Variants in HDAC9 observed in about 807,000 individuals in gnomAD.
HDAC9 encodes histone deacetylase 9, also known as MEF-2 interacting transcription repressor (MITR) protein.
In HDAC9, 41 loss-of-function variants were observed where a neutral mutation model predicts 139.4. The observed-to-expected ratio is 0.29, with a 90% CI of 0.23 to 0.38. The LOEUF (loss-of-function observed/expected upper bound fraction) is 0.38, where lower values mean the gene tolerates loss of function less well. HDAC9 is among the 10% of genes least tolerant of loss of function. The pLI is 1.00. For synonymous variants in HDAC9, 517 were observed against 476.2 expected, an observed-to-expected ratio of 1.09 and a Z score of -1.12; for missense variants, 1,147 against 1,297.0, an observed-to-expected ratio of 0.88 and a Z score of 1.78.
chr7:18,503,907 T>A (rs575993550), intron 2 of HDAC9, among the ~76,000 whole-genome samples: 1 of 152,332 alleles, frequency 6.6e-6, no homozygotes, highest in African/African-American at 2.4e-5. Flanking sequence ...GAGAATGTCA[T>A]GAAGTTGTTT....
chr7:18,834,504 A>G (rs111948914), intron 19 of HDAC9, among the ~76,000 whole-genome samples: 16 of 151,748 alleles, frequency 1.1e-4, no homozygotes, highest in Admixed American at 2.6e-4. Context: ...GTGAGAAAAA[A>G]GAACTGTCAA....
intron 13 of HDAC9, among the ~76,000 whole-genome samples, chr7:18,736,433 T>G (rs1786905739): frequency 6.6e-6 from 1 of 152,196 alleles, no homozygotes; most frequent in Non-Finnish European, 1.5e-5. Context: ...TATTGAGAGT[T>G]TTTAGCATGA....
chr7:18,270,183 A>G (rs1409279719), intron 2 of HDAC9, among the ~76,000 whole-genome samples: 1 of 151,960 alleles, frequency 6.6e-6, no homozygotes, highest in East Asian at 1.9e-4. Context: ...ACTGTAATAG[A>G]CAGTGAACTC....
chr7:18,585,259 C>G, intron 2 of HDAC9, 22 bp from the exon 3 acceptor site: 4 of 1,484,574 alleles, frequency 2.7e-6, no homozygotes, highest in South Asian at 1.1e-5. Flanking sequence ...CACCCCATTT[C>G]CCTTTTTTTC....
chr7:18,429,248 C>T (rs1292273186), intron 1 of HDAC9: 2 of 152,158 alleles, frequency 1.3e-5, no homozygotes, highest in Non-Finnish European at 2.9e-5. Context: ...AGGAGTTCAA[C>T]AAATCCCTAC....
chr7:18,821,739 G>A (rs1224630921), intron 17 of HDAC9, among the ~76,000 whole-genome samples: 2 of 152,126 alleles, frequency 1.3e-5, no homozygotes, highest in East Asian at 1.9e-4. Flanking sequence ...CAAGTTAAGG[G>A]CTCAATCCCA....
intron 25 of HDAC9, among the ~76,000 whole-genome samples, chr7:18,993,673 C>T (rs1379939430): frequency 6.6e-6 from 1 of 151,874 alleles, no homozygotes; most frequent in Non-Finnish European, 1.5e-5. Context: ...CATGGTGGCA[C>T]ATGCCTGTAG....
At chr7:18,611,856 A>T (rs895084085) in intron 6 of HDAC9, among the ~76,000 whole-genome samples, 1 of 152,166 alleles carries the variant, frequency 6.6e-6, no homozygotes, top group African/African-American at 2.4e-5. Flanking sequence ...ATGATGAGAG[A>T]TATTTTCAAT....
At chr7:18,766,778 A>T (rs1168313718) in intron 15 of HDAC9, among the ~76,000 whole-genome samples, 3 of 152,298 alleles carry the variant, frequency 2.0e-5, no homozygotes, top group South Asian at 4.1e-4. Flanking sequence ...AAAAATTGTA[A>T]TGTATAATAT....
chr7:18,179,771 C>T (rs1334356633), intron 2 of HDAC9, among the ~76,000 whole-genome samples: 1 of 152,160 alleles, frequency 6.6e-6, no homozygotes, highest in African/African-American at 2.4e-5. Context: ...AGTAAATCTC[C>T]CTTTGTCCCA....
chr7:18,926,454 C>T (rs1437936918), intron 22 of HDAC9, among the ~76,000 whole-genome samples: 2 of 152,088 alleles, frequency 1.3e-5, no homozygotes, highest in Non-Finnish European at 2.9e-5. Flanking sequence ...CATTTCAAAC[C>T]TGTGATGTAG....
At chr7:18,788,709 C>T (rs1329141999) in intron 16 of HDAC9, among the ~76,000 whole-genome samples, 2 of 148,462 alleles carry the variant, frequency 1.3e-5, no homozygotes, top group African/African-American at 2.5e-5. Flanking sequence ...GAGCCAAGAT[C>T]GAGCTACTGC....
chr7:18,290,623 A>T, intron 1 of HDAC9: 1 of 435,814 alleles, frequency 2.3e-6, no homozygotes, highest in Non-Finnish European at 4.6e-6. Flanking sequence ...TAGGCTGTGG[A>T]AAGATAAACT....
chr7:18,100,517 A>G (rs1461428440), intron 1 of HDAC9, among the ~76,000 whole-genome samples: 2 of 151,706 alleles, frequency 1.3e-5, no homozygotes, highest in Non-Finnish European at 2.9e-5. Flanking sequence ...AGTAGTTTCT[A>G]TTGCTGTGTC....
rs138448822 is a variant in HDAC9 at position 18,549,329 on chromosome 7, G to T, written c.23-35952G>T. ...CCTACAAAAATTAAAACTTATGTTCGCACAGAATATTGTGCACAGTTGTTC... is the reference window on the plus strand; with the variant it reads ...CCTACAAAAATTAAAACTTATGTTCTCACAGAATATTGTGCACAGTTGTTC... On this transcript the variant is annotated intron_variant, in intron 2 of 25. Coordinates refer to ENST00000686413, the MANE Select transcript of HDAC9 (RefSeq NM_178425.4). 4.4e-3 allele frequency among the ~76,000 whole-genome samples: 671 copies of T among 152,206 alleles called. 2 individuals are homozygous for T. Among genetic ancestry groups the T allele is most frequent in the African/African-American group, 0.015 (637 of 41,526 alleles).
At chr7:18,679,358 C>T (rs558436406) in intron 12 of HDAC9, among the ~76,000 whole-genome samples, 1 of 151,996 alleles carries the variant, frequency 6.6e-6, no homozygotes, top group African/African-American at 2.4e-5. Flanking sequence ...TTTTGGAGGA[C>T]CTGTGCATCC....
intron 16 of HDAC9, among the ~76,000 whole-genome samples, chr7:18,778,191 G>T (rs539698359): frequency 6.6e-6 from 1 of 151,724 alleles, no homozygotes; most frequent in African/African-American, 2.4e-5. Context: ...AGCCCTAGCC[G>T]TAAGAAAAAA....
rs766690856 is a variant in HDAC9 at position 18,666,251 on chromosome 7, C to G, written c.1506C>G (p.Gly502=). Residue 502 remains glycine, a synonymous_variant, in exon 12 of 26, where the codon GGC becomes GGG. Coordinates refer to ENST00000686413, the MANE Select transcript of HDAC9 (RefSeq NM_178425.4). ...SKSIEQLKQP[G]SHLEEAEEEL... ...CTATTGAACAACTGAAGCAACCAGGCAGTCACCTTGAGGAAGCAGAGGAAG... is the reference window on the plus strand; with the variant it reads ...CTATTGAACAACTGAAGCAACCAGGGAGTCACCTTGAGGAAGCAGAGGAAG... 3.1e-6 allele frequency: 5 copies of G among 1,613,102 alleles called. No homozygotes were observed. The highest frequency in any genetic ancestry group is 4.2e-6 in the Non-Finnish European group (5 of 1,179,438).
At chr7:18,817,334 G>T (rs1794648838) in intron 17 of HDAC9, among the ~76,000 whole-genome samples, 1 of 151,870 alleles carries the variant, frequency 6.6e-6, no homozygotes. Context: ...GCGCCCGGCC[G>T]AGAAGTATTA....
Sources: gnomAD v4.1 joint callset for allele counts (sites outside exome capture counted in the v4.1 genomes callset) on GRCh38, gnomAD v4.1.1 for gene constraint, MANE v1.5 for transcripts, NCBI Gene and HGNC (gene_info 2026-07-23, HGNC 2026-07-21) for gene names.